The following AXDND1 variants were observed in gnomAD, a reference collection of about 807,000 sequenced individuals.
AXDND1 encodes the protein axonemal dynein light chain domain-containing protein 1.
AXDND1 carries 110 observed loss-of-function variants against 137.5 expected under a neutral mutation model. That is an observed-to-expected ratio of 0.80 (90% CI 0.69 to 0.94). The LOEUF is 0.94. Ranked by LOEUF, AXDND1 falls within the 40% of genes least tolerant of loss-of-function variation. The pLI, the probability that AXDND1 is intolerant of heterozygous loss-of-function variation, is 0.00. For synonymous variants in AXDND1, 414 were observed against 399.7 expected (o/e 1.04, Z -0.43); for missense variants, 1,191 against 1,169.8 (o/e 1.02, Z -0.26).
intron 25 of AXDND1, among the ~76,000 whole-genome samples, chr1:179,538,563 G>A (rs1382774710): frequency 6.6e-6 from 1 of 152,182 alleles, no homozygotes; most frequent in East Asian, 1.9e-4. Flanking sequence ...GAGACAGTTT[G>A]TTGTGATTTC....
chr1:179,406,505 C>G (rs977728230), intron 11 of AXDND1, among the ~76,000 whole-genome samples: 2 of 152,072 alleles, frequency 1.3e-5, no homozygotes, highest in Non-Finnish European at 2.9e-5. Flanking sequence ...CTCTTTAGAT[C>G]TAATGTTTGC....
rs369435035 is a variant in AXDND1 at position 179,411,736 on chromosome 1, C to T, written c.1230+470C>T. Among the ~76,000 whole-genome samples the T allele has an allele frequency of 7.9e-5, 12 of 151,424 alleles. 1 individual carries two copies. Among genetic ancestry groups the T allele is most frequent in the Admixed American group, 4.6e-4 (7 of 15,166 alleles). On this transcript the variant is annotated intron_variant, in intron 12 of 25. Coordinates refer to ENST00000367618, the MANE Select transcript of AXDND1 (RefSeq NM_144696.6). ...GTGTTCTTTTTCTGTTGTTTGGGAACATGTTAAAATTTTCAACTTTAATTT... is the reference window on the plus strand; with the variant it reads ...GTGTTCTTTTTCTGTTGTTTGGGAATATGTTAAAATTTTCAACTTTAATTT...
chr1:179,383,387 T>C, intron 7 of AXDND1, 55 bp from the exon 8 acceptor site: 1 of 1,329,934 alleles, frequency 7.5e-7, no homozygotes, highest in Non-Finnish European at 1.1e-6. Context: ...TTTTGCCATT[T>C]GAGAATTCCC....
chr1:179,457,278 C>A (rs895396271), intron 16 of AXDND1: 8 of 667,210 alleles, frequency 1.2e-5, no homozygotes, highest in Non-Finnish European at 1.9e-5. Context: ...GCTCAACCGT[C>A]CAAGGAAGAG....
chr1:179,428,604 T>A (rs2125302585), intron 12 of AXDND1, among the ~76,000 whole-genome samples: 1 of 152,360 alleles, frequency 6.6e-6, no homozygotes, highest in Non-Finnish European at 1.5e-5. Context: ...ATTATAATAC[T>A]AAAATGTTGT....
chr1:179,437,393 G>A (rs1339671828), intron 15 of AXDND1, among the ~76,000 whole-genome samples: 1 of 152,212 alleles, frequency 6.6e-6, no homozygotes, highest in African/African-American at 2.4e-5. Context: ...AGATTTCTCA[G>A]TAGGTAACTT....
At chr1:179,539,816 T>A (rs1418085089) in intron 25 of AXDND1, among the ~76,000 whole-genome samples, 2 of 152,214 alleles carry the variant, frequency 1.3e-5, no homozygotes, top group African/African-American at 4.8e-5. Context: ...CCCGTCACTT[T>A]CGGGTACGCC....
At chr1:179,482,500 A>G (rs1304202175) in intron 17 of AXDND1, among the ~76,000 whole-genome samples, 1 of 152,098 alleles carries the variant, frequency 6.6e-6, no homozygotes, top group Non-Finnish European at 1.5e-5. Context: ...TGGGAGCTAG[A>G]GGGTTAGGGA....
rs898364384 is a variant in AXDND1 at position 179,441,915 on chromosome 1, C to T, written c.1564-3055C>T. ...ACAAGCAAGTTCACGCCAAGTGTTT[C>T]TCATCAAAGGGTAAAAGACGCATAG... On this transcript the variant is annotated intron_variant, in intron 15 of 25. Coordinates refer to ENST00000367618, the MANE Select transcript of AXDND1 (RefSeq NM_144696.6). 2.6e-5 allele frequency among the ~76,000 whole-genome samples: 4 copies of T among 152,342 alleles called. No individual in the cohort carries two copies. In the East Asian group the frequency reaches 7.7e-4, roughly 29 times the overall value.
rs9662445 is a variant in AXDND1 at position 179,421,224 on chromosome 1, G to A, written c.1231-8294G>A. Reference sequence around the variant, plus strand: ...ATGCTGGTTTGTTTACTATGGCTTCGTAGTAAATTTCGAAGTCAGGTAGTG... The same window carrying A: ...ATGCTGGTTTGTTTACTATGGCTTCATAGTAAATTTCGAAGTCAGGTAGTG... On this transcript the variant is annotated intron_variant, in intron 12 of 25. Transcript: ENST00000367618. Among the ~76,000 whole-genome samples, 54 of 151,932 alleles carry A rather than the reference G, an allele frequency of 3.6e-4. 1 individual carries two copies. The South Asian group carries it at 7.1e-3, about 20-fold the overall frequency.
chr1:179,524,028 T>C (rs1670312863), intron 21 of AXDND1, among the ~76,000 whole-genome samples: 1 of 152,234 alleles, frequency 6.6e-6, no homozygotes, highest in African/African-American at 2.4e-5. Context: ...ATTTCATTCC[T>C]TTTTATGGCT....
intron 15 of AXDND1, among the ~76,000 whole-genome samples, chr1:179,439,507 G>A (rs561734997): frequency 6.6e-6 from 1 of 152,330 alleles, no homozygotes; most frequent in South Asian, 2.1e-4. Flanking sequence ...AATCTCAGGA[G>A]GAGTTTCACT....
intron 11 of AXDND1, among the ~76,000 whole-genome samples, chr1:179,398,999 T>C (rs1448641938): frequency 6.6e-6 from 1 of 151,940 alleles, no homozygotes; most frequent in African/African-American, 2.4e-5. Context: ...GCCAGCAAAG[T>C]GATGTGGGGC....
At chr1:179,448,055 G>A in intron 16 of AXDND1, 1 of 1,197,708 alleles carries the variant, frequency 8.3e-7, no homozygotes. Context: ...TTCTGAGGTG[G>A]CAAACCAGGT....
At chr1:179,445,959 C>A (rs1455124389) in intron 16 of AXDND1, among the ~76,000 whole-genome samples, 1 of 152,130 alleles carries the variant, frequency 6.6e-6, no homozygotes, top group Non-Finnish European at 1.5e-5. Context: ...TATATTCCCA[C>A]CAGCAGTGTA....
At chr1:179,516,101 G>T (rs1264546450) in intron 21 of AXDND1, among the ~76,000 whole-genome samples, 1 of 151,806 alleles carries the variant, frequency 6.6e-6, no homozygotes, top group Non-Finnish European at 1.5e-5. Flanking sequence ...TCTTAGGTTT[G>T]GTCATTTAAC....
intron 25 of AXDND1, among the ~76,000 whole-genome samples, chr1:179,535,333 C>G (rs1671436723): frequency 6.6e-6 from 1 of 152,016 alleles, no homozygotes; most frequent in Non-Finnish European, 1.5e-5. Context: ...ATCAACTCAT[C>G]ATTTACATCA....
At chr1:179,391,303 A>G (rs1253844582) in intron 9 of AXDND1, among the ~76,000 whole-genome samples, 11 of 151,516 alleles carry the variant, frequency 7.3e-5, no homozygotes, top group Non-Finnish European at 1.5e-4. Context: ...GGTTACACAG[A>G]TAAGTTCTTG....
intron 20 of AXDND1, among the ~76,000 whole-genome samples, chr1:179,499,119 A>G (rs547090109): frequency 3.9e-5 from 6 of 152,290 alleles, no homozygotes; most frequent in Admixed American, 2.6e-4. Context: ...CCAAAAAGAC[A>G]TATGCATTCA....
Sources: allele counts gnomAD v4.1 joint callset (sites outside exome capture counted in the v4.1 genomes callset), GRCh38; gene constraint gnomAD v4.1.1; transcripts MANE v1.5; gene names NCBI Gene and HGNC (gene_info 2026-07-23, HGNC 2026-07-21).